INSYN2B: variants seen among roughly 807,000 people sequenced by gnomAD.
INSYN2B encodes protein INSYN2B.
A neutral mutation model predicts 41.2 loss-of-function variants in INSYN2B; 16 were observed. The ratio of observed to expected loss-of-function variants is 0.39; its 90% confidence interval spans 0.26 to 0.59. The LOEUF (loss-of-function observed/expected upper bound fraction) is 0.59. Ranked by LOEUF, INSYN2B falls within the 20% of genes least tolerant of loss-of-function variation. INSYN2B has a pLI of 0.57. For missense variants in INSYN2B, 608 were observed against 646.4 expected (o/e 0.94, Z 0.64); for synonymous variants, 245 against 244.4 (o/e 1.00, Z -0.02).
In INSYN2B at chr5:169,943,777, C is replaced by T. The variant is rs139154374; in HGVS notation, c.-919+36500G>A. On this transcript the variant is annotated intron_variant, in intron 1 of 3. Coordinates refer to ENST00000377365, the MANE Select transcript of INSYN2B (RefSeq NM_001129891.3). The stretch of plus-strand genomic sequence containing the variant: ...AGGCCTACTGATTCAGAACAGTTGA[C>T]GGTAGGGTCCAGGGACCTGTGTTTT... 9.9e-5 allele frequency among the ~76,000 whole-genome samples: 15 copies of T among 152,242 alleles called. 1 individual carries two copies. The East Asian group carries it at 1.9e-3, about 20-fold the overall frequency.
chr5:169,954,517 CT>C (rs1418807305), intron 1 of INSYN2B, among the ~76,000 whole-genome samples: 1 of 152,220 alleles, frequency 6.6e-6, no homozygotes, highest in Non-Finnish European at 1.5e-5. Context: ...GGCCACCCCC[CT>C]GAAGCTGTGG....
intron 1 of INSYN2B, among the ~76,000 whole-genome samples, chr5:169,941,885 C>T (rs747503332): frequency 1.7e-4 from 26 of 152,218 alleles, no homozygotes; most frequent in Admixed American, 1.0e-3. Context: ...CAGGGTCACG[C>T]TGCATCAGGA....
chr5:169,869,159 C>G (rs1006947420), intron 3 of INSYN2B, among the ~76,000 whole-genome samples: 34 of 152,230 alleles, frequency 2.2e-4, no homozygotes, highest in African/African-American at 7.5e-4. Context: ...CATCAACCTT[C>G]AGCTCTTCAG....
chr5:169,907,935 G>A (rs1774382108), intron 1 of INSYN2B, among the ~76,000 whole-genome samples: 1 of 152,194 alleles, frequency 6.6e-6, no homozygotes, highest in Non-Finnish European at 1.5e-5. Context: ...CTCTTGTGCA[G>A]GCACTTCTTG....
rs1561773812 is a variant in INSYN2B, at chr5:169,863,366, T to C, written c.*907A>G. ...AGTGTTGTGTTTTATCTTAGCCTTA[T>C]CTATGTTACTCATAAGATGTAACTG... On this transcript the variant is annotated 3_prime_UTR_variant, in exon 4 of 4. Coordinates refer to ENST00000377365, the MANE Select transcript of INSYN2B (RefSeq NM_001129891.3). 6.6e-6 allele frequency among the ~76,000 whole-genome samples: 1 copy of C among 152,236 alleles called. No homozygotes were observed. The highest frequency in any genetic ancestry group is 6.5e-5 in the Admixed American group (1 of 15,286).
At position 169,884,077 on chromosome 5, in the gene INSYN2B, C is replaced by T. The variant is rs989193272; in HGVS notation, c.-179G>A. On this transcript the variant is annotated 5_prime_UTR_variant, in exon 2 of 4. Transcript: ENST00000377365. ...GGCCATTCCCAGCCTCTAGAGTCTACGTAGGAACTATCTGTAATGCTTTCC... is the reference window on the plus strand; with the variant it reads ...GGCCATTCCCAGCCTCTAGAGTCTATGTAGGAACTATCTGTAATGCTTTCC... The T allele has an allele frequency of 4.3e-6, 2 of 468,084 alleles. No individual in the cohort carries two copies. The highest frequency in any genetic ancestry group is 3.1e-5 in the East Asian group (1 of 32,034). 29.0% of individuals were successfully genotyped at this position (468,084 alleles called of 1,614,324 possible).
chr5:169,970,109 T>C (rs1392548875), intron 1 of INSYN2B, among the ~76,000 whole-genome samples: 1 of 152,180 alleles, frequency 6.6e-6, no homozygotes, highest in East Asian at 1.9e-4. Context: ...CTTAAAGGCA[T>C]GTTCAGATGA....
At chr5:169,922,968 T>C (rs1246986892) in intron 1 of INSYN2B, among the ~76,000 whole-genome samples, 1 of 152,224 alleles carries the variant, frequency 6.6e-6, no homozygotes, top group East Asian at 1.9e-4. Context: ...TTTGTAAATA[T>C]CGAATTGTGA....
At chr5:169,903,924 G>T (rs988972334) in intron 1 of INSYN2B, among the ~76,000 whole-genome samples, 1 of 151,784 alleles carries the variant, frequency 6.6e-6, no homozygotes, top group African/African-American at 2.4e-5. Flanking sequence ...ACATGGCGAA[G>T]CTCTGCCTCT....
intron 3 of INSYN2B, 123 bp from the exon 4 acceptor site, chr5:169,864,582 G>C (rs1240984834): frequency 5.3e-6 from 4 of 754,282 alleles, no homozygotes; most frequent in Non-Finnish European, 8.3e-6. Context: ...AGATCCTTAG[G>C]TACCTACTGG....
intron 1 of INSYN2B, among the ~76,000 whole-genome samples, chr5:169,964,118 T>C (rs1035756189): frequency 8.5e-5 from 13 of 152,282 alleles, no homozygotes; most frequent in African/African-American, 3.1e-4. Context: ...TCCTGTTGAA[T>C]GATGAAATTC....
At chr5:169,918,521 A>C (rs1477612065) in intron 1 of INSYN2B, among the ~76,000 whole-genome samples, 1 of 152,234 alleles carries the variant, frequency 6.6e-6, no homozygotes, top group African/African-American at 2.4e-5. Context: ...AGATGGATCC[A>C]TATGTGGTGA....
intron 3 of INSYN2B, among the ~76,000 whole-genome samples, chr5:169,868,488 G>A (rs1253647496): frequency 6.6e-6 from 1 of 152,238 alleles, no homozygotes. Flanking sequence ...GCTGGGCGCA[G>A]TGGCTCATGC....
chr5:169,901,500 T>C (rs535543244), intron 1 of INSYN2B, among the ~76,000 whole-genome samples: 2 of 152,216 alleles, frequency 1.3e-5, no homozygotes, highest in East Asian at 3.9e-4. Context: ...TAAAATGATT[T>C]TTCTGGTTTT....
At chr5:169,888,674 C>T (rs1247022928) in intron 1 of INSYN2B, among the ~76,000 whole-genome samples, 1 of 152,206 alleles carries the variant, frequency 6.6e-6, no homozygotes, top group African/African-American at 2.4e-5. Context: ...AGATGAGACT[C>T]TTCCACTTTC....
intron 1 of INSYN2B, among the ~76,000 whole-genome samples, chr5:169,910,790 G>T (rs1774552433): frequency 6.6e-6 from 1 of 152,232 alleles, no homozygotes; most frequent in Non-Finnish European, 1.5e-5. Context: ...TTGAGAAATG[G>T]CAGGTGCCCC....
chr5:169,869,519 G>C (rs1022343045), intron 3 of INSYN2B, among the ~76,000 whole-genome samples: 2 of 152,186 alleles, frequency 1.3e-5, no homozygotes, highest in African/African-American at 4.8e-5. Context: ...CTACAGTTTG[G>C]AAGGGAGGAG....
chr5:169,914,807 G>C (rs1774787021), intron 1 of INSYN2B, among the ~76,000 whole-genome samples: 1 of 152,228 alleles, frequency 6.6e-6, no homozygotes, highest in Non-Finnish European at 1.5e-5. Flanking sequence ...CTACACTCAT[G>C]TACATGATCT....
chr5:169,966,541 A>C (rs1777307230), intron 1 of INSYN2B, among the ~76,000 whole-genome samples: 1 of 152,206 alleles, frequency 6.6e-6, no homozygotes, highest in Non-Finnish European at 1.5e-5. Context: ...CCTGCACAGC[A>C]ATAATTGGAG....
Sources: allele counts gnomAD v4.1 joint callset (sites outside exome capture counted in the v4.1 genomes callset), GRCh38; gene constraint gnomAD v4.1.1; transcripts MANE v1.5; gene names NCBI Gene and HGNC (gene_info 2026-07-23, HGNC 2026-07-21).